Variants in LMBR1 observed in about 807,000 individuals in gnomAD.
The protein encoded by LMBR1 is limb development membrane protein 1.
Under a neutral mutation model 73.9 loss-of-function variants are expected in LMBR1, and 52 were observed. That is an observed-to-expected ratio of 0.70 (90% CI 0.56 to 0.89). LMBR1 has a LOEUF of 0.89. LMBR1 is among the 40% of genes least tolerant of loss of function. The pLI is 0.00. For missense variants in LMBR1, 539 were observed against 579.8 expected, an observed-to-expected ratio of 0.93 and a Z score of 0.72; for synonymous variants, 215 against 209.4, an observed-to-expected ratio of 1.03 and a Z score of -0.23.
chr7:156,892,921 C>T lies in LMBR1; in HGVS notation c.66+7G>A. On this transcript the variant is annotated splice_region_variant and intron_variant, in intron 1 of 16. Transcript: ENST00000353442. ...GGACTGTCAGGGCTGCCTCGGTCCC[C>T]ACGCACCGTGGACTCCCGCACTTGG... 1.3e-6 allele frequency: 2 copies of T among 1,519,136 alleles called. No individual in the cohort carries two copies. The highest frequency in any genetic ancestry group is 1.8e-6 in the Non-Finnish European group (2 of 1,140,814). The allele number at this position is 1,519,136 out of a possible 1,614,324, so 94.1% of individuals were successfully genotyped here.
chr7:156,825,547 AAAAATT>A (rs1359566940), intron 4 of LMBR1, among the ~76,000 whole-genome samples: 1 of 152,222 alleles, frequency 6.6e-6, no homozygotes, highest in African/African-American at 2.4e-5. Flanking sequence ...ATGTACTCAC[AAAAATT>A]AAAATTAAAA....
At position 156,869,207 on chromosome 7, in the gene LMBR1, C is replaced by T. The variant is rs772542350; in HGVS notation, c.66+23721G>A. Among the ~76,000 whole-genome samples the T allele has an allele frequency of 9.2e-5, 14 of 152,158 alleles. No homozygotes were observed. The Middle Eastern group carries it at 0.014, about 148-fold the overall frequency. On this transcript the variant is annotated intron_variant, in intron 1 of 16. Coordinates refer to ENST00000353442, the MANE Select transcript of LMBR1 (RefSeq NM_022458.4). Reference sequence around the variant, plus strand: ...TTAAGTTTCTTAAATTATCTTACTACCAAGGTGTTCAGGAAATTAACCTGT... The same window carrying T: ...TTAAGTTTCTTAAATTATCTTACTATCAAGGTGTTCAGGAAATTAACCTGT...
chr7:156,676,324 A>G, downstream of LMBR1: 2 of 1,612,822 alleles, frequency 1.2e-6, no homozygotes, highest in South Asian at 1.1e-5. Flanking sequence ...TCGAAGACCC[A>G]TGTCTCGGGG....
rs1364546035 is a variant in LMBR1 at position 156,680,971 on chromosome 7, AAAC to A, written c.*3104_*3106del. ...AACAAAGACTAACAATTTGTAAACA[AAAC>A]AATCTGTAAACAAAAATCAATTACT... On this transcript the variant is annotated 3_prime_UTR_variant, in exon 17 of 17. Transcript: ENST00000353442. The A allele has an allele frequency of 3.3e-6, 1 of 299,396 alleles. No homozygotes were observed. Among genetic ancestry groups the A allele is most frequent in the Non-Finnish European group, 6.3e-6 (1 of 157,738 alleles). The allele number at this position is 299,396 out of a possible 1,614,324, so 18.5% of individuals were successfully genotyped here. A position where few individuals can be genotyped will look rare whatever the true frequency, so the allele number is the denominator to read the frequency against.
intron 3 of LMBR1, among the ~76,000 whole-genome samples, chr7:156,828,296 G>C (rs1836059769): frequency 2.0e-5 from 3 of 152,028 alleles, no homozygotes; most frequent in Admixed American, 2.0e-4. Flanking sequence ...TCACTCCCTA[G>C]AATACCCTCT....
chr7:156,779,861 T>C (rs1392273216), intron 5 of LMBR1: 1 of 317,338 alleles, frequency 3.2e-6, no homozygotes, highest in East Asian at 7.6e-5. Context: ...AAAAAGGGTC[T>C]CTCAGTAACA....
rs748681227 is a variant in LMBR1, at chr7:156,727,969, G to A, written c.954C>T (p.Cys318=). The stretch of plus-strand genomic sequence containing the variant: ...GCATTGCTGTTTCATCAACCAATAG[G>A]CAAAGAATATTACAAGCCACCAAGA... ...SVLLVACNIL[C]LLVDETAMPK... Residue 318 remains cysteine (C), a synonymous_variant, in exon 12 of 17, where the codon TGC becomes TGT. Transcript: ENST00000353442. The A allele has an allele frequency of 1.9e-6, 3 of 1,613,032 alleles. No individual in the cohort carries two copies. The Admixed American group carries it at 5.0e-5, about 27-fold the overall frequency.
chr7:156,777,339 G>C (rs1408923574), intron 5 of LMBR1, among the ~76,000 whole-genome samples: 1 of 152,154 alleles, frequency 6.6e-6, no homozygotes, highest in Non-Finnish European at 1.5e-5. Context: ...GTAGGACACA[G>C]CTGAGTGGGG....
At chr7:156,840,964 C>CAAAAA (rs57968006) in intron 1 of LMBR1, among the ~76,000 whole-genome samples, 4 of 71,404 alleles carry the variant, frequency 5.6e-5, no homozygotes, top group Non-Finnish European at 1.1e-4. Flanking sequence ...GACTCGGTCT[C>CAAAAA]AAAAAAAAAA....
intron 9 of LMBR1, among the ~76,000 whole-genome samples, chr7:156,750,222 A>C (rs375572893): frequency 6.6e-6 from 1 of 152,254 alleles, no homozygotes; most frequent in South Asian, 2.1e-4. Flanking sequence ...TACACACACA[A>C]AAGCTGATTA....
At chr7:156,870,545 C>G (rs1799119267) in intron 1 of LMBR1, among the ~76,000 whole-genome samples, 1 of 152,130 alleles carries the variant, frequency 6.6e-6, no homozygotes, top group Non-Finnish European at 1.5e-5. Context: ...GCAGGTGGAT[C>G]ATGAGGTCAG....
At chr7:156,828,020 C>T (rs137955574) in intron 3 of LMBR1, among the ~76,000 whole-genome samples, 3 of 152,316 alleles carry the variant, frequency 2.0e-5, no homozygotes, top group Admixed American at 2.0e-4. Flanking sequence ...GCTCTGGCAG[C>T]GACCAGCCAG....
chr7:156,738,472 A>T (rs1286932088), intron 9 of LMBR1, among the ~76,000 whole-genome samples: 1 of 152,216 alleles, frequency 6.6e-6, no homozygotes, highest in Non-Finnish European at 1.5e-5. Context: ...CCAGTGGACT[A>T]GGGCAGCATG....
chr7:156,675,419 A>G (rs759618655), downstream of LMBR1, among the ~76,000 whole-genome samples: 12 of 152,186 alleles, frequency 7.9e-5, no homozygotes, highest in Non-Finnish European at 1.5e-4. Context: ...TCCTTTGGGA[A>G]GGAATGTTTT....
At chr7:156,863,241 T>A (rs564228285) in intron 1 of LMBR1, among the ~76,000 whole-genome samples, 14 of 143,622 alleles carry the variant, frequency 9.7e-5, no homozygotes, top group African/African-American at 2.9e-4. Context: ...AGTCTGAGTT[T>A]CAAAACTGAA....
rs1298076365 is a variant in LMBR1, at chr7:156,789,413, T to G, written c.423+6976A>C. On this transcript the variant is annotated intron_variant, in intron 5 of 16. Transcript: ENST00000353442. ...TAGTGACTTAAGTTTTAAAGAAAAG[T>G]AGATTTATCACAGGCTAAAATATTA... is the stretch of plus-strand genomic sequence containing the variant. 6.6e-6 allele frequency among the ~76,000 whole-genome samples: 1 copy of G among 152,220 alleles called. No individual in the cohort carries two copies. The highest frequency in any genetic ancestry group is 1.5e-5 in the Non-Finnish European group (1 of 68,036).
chr7:156,707,747 C>A (rs780953219), intron 15 of LMBR1, among the ~76,000 whole-genome samples: 6 of 152,022 alleles, frequency 3.9e-5, no homozygotes, highest in Admixed American at 6.6e-5. Context: ...TACAACAGTA[C>A]CACAGCCAAA....
chr7:156,721,820 T>C (rs1244064079), intron 15 of LMBR1, among the ~76,000 whole-genome samples: 1 of 152,108 alleles, frequency 6.6e-6, no homozygotes, highest in African/African-American at 2.4e-5. Flanking sequence ...ATTTACTTAG[T>C]GGTGATTTTT....
In LMBR1 at chr7:156,736,412, A is replaced by G. The variant is rs2132527876; in HGVS notation, c.758-2155T>C. The G allele has an allele frequency of 1.5e-5, 6 of 412,852 alleles. No homozygotes were observed. In the East Asian group the frequency reaches 2.9e-4, roughly 20 times the overall value. The allele number at this position is 412,852 out of a possible 1,614,324, so 25.6% of individuals were successfully genotyped here. ...TGATAAACTTTATTTTATACTTTCT[A>G]TACTACTTAAGTGATTTTTTTAAAG... On this transcript the variant is annotated intron_variant, in intron 9 of 16. Coordinates refer to ENST00000353442, the MANE Select transcript of LMBR1 (RefSeq NM_022458.4).
Sources: gnomAD v4.1 joint callset for allele counts (sites outside exome capture counted in the v4.1 genomes callset) on GRCh38, gnomAD v4.1.1 for gene constraint, MANE v1.5 for transcripts, NCBI Gene and HGNC (gene_info 2026-07-23, HGNC 2026-07-21) for gene names.